WNT2B: variants seen among roughly 807,000 people sequenced by gnomAD.
WNT2B encodes Wnt family member 2B, also known as protein Wnt-2b.
Under a neutral mutation model 40.5 loss-of-function variants are expected in WNT2B, and 19 were observed. That is an observed-to-expected ratio of 0.47 (90% CI 0.33 to 0.69). The LOEUF is 0.69. Among genes scored for constraint, WNT2B ranks in the 30% least tolerant of loss-of-function variants. The pLI is 0.02. For missense variants in WNT2B, 467 were observed against 556.4 expected, an observed-to-expected ratio of 0.84 and a Z score of 1.62; for synonymous variants, 220 against 211.9, an observed-to-expected ratio of 1.04 and a Z score of -0.33.
intron 1 of WNT2B, among the ~76,000 whole-genome samples, chr1:112,484,245 A>G (rs1651331914): frequency 7.7e-6 from 1 of 130,630 alleles, no homozygotes; most frequent in African/African-American, 3.1e-5. Flanking sequence ...ATATATATAC[A>G]CATATATATA....
intron 4 of WNT2B, among the ~76,000 whole-genome samples, chr1:112,519,638 C>CAAT (rs1652748932): frequency 1.3e-5 from 2 of 152,156 alleles, no homozygotes; most frequent in South Asian, 4.2e-4. Context: ...GGGATAATAG[C>CAAT]AATAATAATA....
chr1:112,497,377 G>A (rs764446415), intron 1 of WNT2B, among the ~76,000 whole-genome samples: 2 of 152,222 alleles, frequency 1.3e-5, no homozygotes, highest in African/African-American at 2.4e-5. Context: ...GTGCGTCCCT[G>A]CAGAGTTAGC....
chr1:112,505,055 A>G (rs1652069425), upstream of WNT2B, among the ~76,000 whole-genome samples: 1 of 152,224 alleles, frequency 6.6e-6, no homozygotes, highest in African/African-American at 2.4e-5. Context: ...CAGAGAGCAG[A>G]GCATAAGGTG....
intron 1 of WNT2B, among the ~76,000 whole-genome samples, chr1:112,475,380 G>A (rs74112724): frequency 0.015 from 2,334 of 152,186 alleles, 67 homozygotes; most frequent in African/African-American, 0.053. Flanking sequence ...AAGGAATGAT[G>A]AGCATCAAAA....
chr1:112,526,149 G>A lies in WNT2B; in HGVS notation c.*5640G>A. 1 of 1,613,340 alleles carries A rather than the reference G, an allele frequency of 6.2e-7. No individual in the cohort carries two copies. The highest frequency in any genetic ancestry group is 2.2e-5 in the East Asian group (1 of 44,876). On this transcript the variant is annotated 3_prime_UTR_variant, in exon 5 of 5. Coordinates refer to ENST00000369684, the MANE Select transcript of WNT2B (RefSeq NM_024494.3). ...AATTGATACAAAATGTTCAAGCCCT[G>A]TAGGAGTCCCAGGACAGCCAAGAGA...
At position 112,509,954 on chromosome 1, in the gene WNT2B, A is replaced by AC. The variant is rs1345620809; in HGVS notation, c.182+514dup. Among the ~76,000 whole-genome samples, 4 of 152,070 alleles carry AC rather than the reference A, an allele frequency of 2.6e-5. No homozygotes were observed. The highest frequency in any genetic ancestry group is 7.2e-5 in the African/African-American group (3 of 41,478). ...TAGAAATGGAATCGAGGCAAAATTTACCCCATTAACTCCCACAATTAAAAC... is the reference window on the plus strand; with the variant it reads ...TAGAAATGGAATCGAGGCAAAATTTACCCCCATTAACTCCCACAATTAAAAC... On this transcript the variant is annotated intron_variant, in intron 1 of 4. Transcript: ENST00000369684. The surrounding 1 kb of genome is among the most constrained non-coding windows in gnomAD (Gnocchi z 4.2).
At position 112,471,586 on chromosome 1, in the gene WNT2B, G is replaced by A. The variant is rs557450218; in HGVS notation, c.-95+3995G>A. 5.9e-5 allele frequency among the ~76,000 whole-genome samples: 9 copies of A among 152,218 alleles called. No individual in the cohort carries two copies. The South Asian group carries it at 6.2e-4, about 11-fold the overall frequency. Reference sequence around the variant, plus strand: ...TTTTGAGAGATTTCTGTGGTTTGCCGTCACTTCCATGAGTTTATGCTAGCC... The same window carrying A: ...TTTTGAGAGATTTCTGTGGTTTGCCATCACTTCCATGAGTTTATGCTAGCC... On this transcript the variant is annotated intron_variant, in intron 1 of 4. Coordinates refer to the WNT2B transcript ENST00000256640.
chr1:112,524,109 A>C lies in WNT2B; in HGVS notation c.*3600A>C, dbSNP rs1653057851. On this transcript the variant is annotated 3_prime_UTR_variant, in exon 5 of 5. Coordinates refer to ENST00000369684, the MANE Select transcript of WNT2B (RefSeq NM_024494.3). ...TCTGAACACTCACTGCTTCATTTCT[A>C]TTCCTCCTGTTGCAGGGAGTAATTT... The C allele has an allele frequency of 1.3e-5, 2 of 152,414 alleles. No homozygotes were observed. Among genetic ancestry groups the C allele is most frequent in the Admixed American group, 1.3e-4 (2 of 15,256 alleles). 9.4% of individuals were successfully genotyped at this position (152,414 alleles called of 1,614,324 possible).
intron 1 of WNT2B, among the ~76,000 whole-genome samples, chr1:112,513,091 C>A (rs1652410257): frequency 6.6e-6 from 1 of 151,664 alleles, no homozygotes. Context: ...TCTCTCATTC[C>A]CATCCAACCC....
At chr1:112,493,904 A>C (rs904156664) in intron 1 of WNT2B, among the ~76,000 whole-genome samples, 7 of 150,842 alleles carry the variant, frequency 4.6e-5, no homozygotes, top group Non-Finnish European at 1.5e-5. Context: ...CACTACACCT[A>C]GGCATATCAT....
rs1408255377 is a variant in WNT2B at position 112,517,196 on chromosome 1, C to G, written c.757C>G (p.Arg253Gly). ...TTCCTGTACTCTGCGCACCTGCTGG[C>G]GTGCACTCTCAGATTTCCGCCGCAC... Reference protein sequence around the residue: ...SGSCTLRTCWRALSDFRRTGD... With the variant: ...SGSCTLRTCWGALSDFRRTGD... Residue 253 changes from arginine (R) to glycine (G), a missense_variant, in exon 4 of 5, where the codon CGT becomes GGT. This residue lies in a region of WNT2B where 330 missense variants were observed against 438.6 expected (regional missense o/e 0.75). Transcript: ENST00000369684. The G allele has an allele frequency of 6.2e-7, 1 of 1,614,066 alleles. No homozygotes were observed. Among genetic ancestry groups the G allele is most frequent in the African/African-American group, 1.3e-5 (1 of 74,932 alleles).
Position 112,516,178 on chromosome 1 carries a change from G to C in WNT2B, c.442G>C (p.Ala148Pro). ...EAAFVYAISS[A>P]GVVHAITRAC... Reference sequence around the variant, plus strand: ...AGCTTTTGTATATGCCATCTCATCAGCAGGGGTAGTCCACGCTATTACTCG... The same window carrying C: ...AGCTTTTGTATATGCCATCTCATCACCAGGGGTAGTCCACGCTATTACTCG... Residue 148 changes from alanine to proline, a missense_variant, in exon 3 of 5, where the codon GCA (alanine) becomes CCA (proline). Physicochemically the swap from Ala to Pro is conservative, Grantham distance 27. Coordinates refer to ENST00000369684, the MANE Select transcript of WNT2B (RefSeq NM_024494.3). 1 of 1,613,968 alleles carries C rather than the reference G, an allele frequency of 6.2e-7. No individual in the cohort carries two copies.
In WNT2B at chr1:112,523,410, T is replaced by C. The variant is rs780561404; in HGVS notation, c.*2901T>C. Reference sequence around the variant, plus strand: ...GGAGGTTATGTGGTCCCAAAAGGAATGATGGCCAAGCAATTAATTTTTCCT... The same window carrying C: ...GGAGGTTATGTGGTCCCAAAAGGAACGATGGCCAAGCAATTAATTTTTCCT... On this transcript the variant is annotated 3_prime_UTR_variant, in exon 5 of 5. Transcript: ENST00000369684. 3.3e-5 allele frequency: 5 copies of C among 152,232 alleles called. No individual in the cohort carries two copies. Among genetic ancestry groups the C allele is most frequent in the Non-Finnish European group, 7.3e-5 (5 of 68,042 alleles). 9.4% of individuals were successfully genotyped at this position (152,232 alleles called of 1,614,324 possible). A position where few individuals can be genotyped will look rare whatever the true frequency, so the allele number is the denominator to read the frequency against.
intron 1 of WNT2B, among the ~76,000 whole-genome samples, chr1:112,483,181 TACACAC>T (rs58250277): frequency 0.34 from 47,560 of 140,764 alleles, 8,463 homozygotes; most frequent in South Asian, 0.48. Context: ...GCAACATAGA[TACACAC>T]ACACACACAC....
At chr1:112,513,962 T>C (rs1056133232) in intron 1 of WNT2B, among the ~76,000 whole-genome samples, 12 of 152,184 alleles carry the variant, frequency 7.9e-5, no homozygotes, top group Non-Finnish European at 1.3e-4. Context: ...ATATTCTTCC[T>C]GAGGCTTGTG....
intron 1 of WNT2B, among the ~76,000 whole-genome samples, chr1:112,483,988 T>C (rs1391344928): frequency 1.3e-5 from 2 of 150,268 alleles, no homozygotes; most frequent in Non-Finnish European, 3.0e-5. Flanking sequence ...AAGCCAGGTA[T>C]GGTGGCTTGC....
Position 112,509,346 on chromosome 1 carries a change from G to A in WNT2B, c.84G>A (p.Ala28=). Residue 28 remains alanine, a synonymous_variant, in exon 1 of 5, where the codon GCG becomes GCA. Transcript: ENST00000369684. This position sits in a 1 kb window ranked among gnomAD's most constrained non-coding sequence, Gnocchi z 4.2. ...ASAPVPVPSP[A]APDGSRASAR... is the part of the protein sequence containing the mutation. ...CCCCGGTCCCTGTGCCGTCGCCCGC[G>A]GCCCCCGACGGCTCCCGGGCTTCGG... 1 of 1,592,858 alleles carries A rather than the reference G, an allele frequency of 6.3e-7. No homozygotes were observed. Among genetic ancestry groups the A allele is most frequent in the Non-Finnish European group, 8.5e-7 (1 of 1,176,264 alleles).
chr1:112,522,737 AAC>A lies in WNT2B; in HGVS notation c.*2232_*2233del, dbSNP rs1335868205. ...GATTTGCTCTGGTTTCACATCCATT[AAC>A]ACAAAACATGAGCTAGTCAGGGCCC... On this transcript the variant is annotated 3_prime_UTR_variant, in exon 5 of 5. Coordinates refer to ENST00000369684, the MANE Select transcript of WNT2B (RefSeq NM_024494.3). 1 of 152,324 alleles carries A rather than the reference AAC, an allele frequency of 6.6e-6. No homozygotes were observed. The highest frequency in any genetic ancestry group is 2.4e-5 in the African/African-American group (1 of 41,448). The allele number at this position is 152,324 out of a possible 1,614,324, so 9.4% of individuals were successfully genotyped here. A position where few individuals can be genotyped will look rare whatever the true frequency, so the allele number is the denominator to read the frequency against.
intron 1 of WNT2B, chr1:112,491,210 C>G: frequency 1.2e-6 from 1 of 806,638 alleles, no homozygotes; most frequent in Non-Finnish European, 2.0e-6. Flanking sequence ...GAGTTCGAGA[C>G]CAGCCTGGCC....
Sources: allele counts gnomAD v4.1 joint callset (sites outside exome capture counted in the v4.1 genomes callset), GRCh38; gene constraint gnomAD v4.1.1; regional missense constraint gnomAD v4.1.1; non-coding constraint Gnocchi (gnomAD v3.1); transcripts MANE v1.5; gene names NCBI Gene and HGNC (gene_info 2026-07-23, HGNC 2026-07-21).